The following ATRNL1 variants were observed in gnomAD, a reference collection of about 807,000 sequenced individuals.
ATRNL1 encodes attractin-like protein 1.
In ATRNL1, 95 loss-of-function variants were observed where a neutral mutation model predicts 182.7. The observed-to-expected ratio is 0.52, with a 90% CI of 0.44 to 0.62. The LOEUF (loss-of-function observed/expected upper bound fraction) is 0.62, where lower values mean the gene tolerates loss of function less well. ATRNL1 is among the 20% of genes least tolerant of loss of function. The pLI, the probability that ATRNL1 is intolerant of heterozygous loss-of-function variation, is 0.00. For missense variants in ATRNL1, 1,471 were observed against 1,679.5 expected (o/e 0.88, Z 2.17); for synonymous variants, 576 against 568.3 (o/e 1.01, Z -0.19).
intron 26 of ATRNL1, among the ~76,000 whole-genome samples, chr10:115,630,841 C>T (rs1222364362): frequency 2.3e-5 from 3 of 132,652 alleles, no homozygotes; most frequent in African/African-American, 1.1e-4. Context: ...CACACACACA[C>T]ACACACACAC....
At chr10:115,864,433 A>T (rs1393585419) in intron 28 of ATRNL1, among the ~76,000 whole-genome samples, 1 of 152,220 alleles carries the variant, frequency 6.6e-6, no homozygotes, top group East Asian at 1.9e-4. Flanking sequence ...TCTAAAGTTA[A>T]TAGGACAAAA....
rs1851567160 is a variant in ATRNL1 at position 115,265,369 on chromosome 10, G to A, written c.1772+92G>A. 9.6e-6 allele frequency: 7 copies of A among 729,538 alleles called. No individual in the cohort carries two copies. In the South Asian group the frequency reaches 1.5e-4, roughly 16 times the overall value. The allele number at this position is 729,538 out of a possible 1,614,324, so 45.2% of individuals were successfully genotyped here. A position where few individuals can be genotyped will look rare whatever the true frequency, so the allele number is the denominator to read the frequency against. ...GTATTCTTTTTGAAAATTATCATTG[G>A]TACTTAATGGTATTGGATTTTATGC... On this transcript the variant is annotated intron_variant, in intron 11 of 28. Transcript: ENST00000355044.
chr10:115,778,518 A>G (rs558158285), intron 27 of ATRNL1, among the ~76,000 whole-genome samples: 47 of 152,310 alleles, frequency 3.1e-4, no homozygotes, highest in Admixed American at 2.6e-3. Context: ...GATATGGTGA[A>G]AGAGTAAAGA....
At chr10:115,317,110 G>A (rs1473965183) in intron 18 of ATRNL1, among the ~76,000 whole-genome samples, 2 of 152,026 alleles carry the variant, frequency 1.3e-5, no homozygotes, top group Non-Finnish European at 2.9e-5. Context: ...TAAGGAATGG[G>A]TCCAGTTTCA....
intron 28 of ATRNL1, among the ~76,000 whole-genome samples, chr10:115,868,875 G>C (rs1293727841): frequency 2.6e-5 from 3 of 114,646 alleles, no homozygotes; most frequent in African/African-American, 9.9e-5. Context: ...TGTCGCCCAG[G>C]CTGGAGTGCA....
At chr10:115,713,705 C>CTATCATCTATCTATCTATCT (rs1555055340) in intron 26 of ATRNL1, among the ~76,000 whole-genome samples, 5 of 101,298 alleles carry the variant, frequency 4.9e-5, no homozygotes, top group East Asian at 9.1e-4. Context: ...ATCTATCTAT[C>CTATCATCTATCTATCTATCT]ATCTATCTAT....
At chr10:115,934,071 G>A (rs7077116) in intron 28 of ATRNL1, among the ~76,000 whole-genome samples, 16,304 of 152,006 alleles carry the variant, frequency 0.11, 2,646 homozygotes, top group African/African-American at 0.35. Context: ...CTCATCTTCT[G>A]CCTACCATCT....
chr10:115,258,548 A>G (rs1045891980), intron 10 of ATRNL1, among the ~76,000 whole-genome samples: 46 of 152,096 alleles, frequency 3.0e-4, no homozygotes, highest in African/African-American at 1.1e-3. Context: ...CTTCCTTGCA[A>G]TGGGTTCGAA....
chr10:115,666,912 A>G (rs1861032049), intron 26 of ATRNL1, among the ~76,000 whole-genome samples: 1 of 152,176 alleles, frequency 6.6e-6, no homozygotes, highest in Non-Finnish European at 1.5e-5. Context: ...TGCCAACACT[A>G]AAGATAGTCA....
chr10:115,456,857 C>T (rs1261019675), intron 21 of ATRNL1, among the ~76,000 whole-genome samples: 1 of 152,112 alleles, frequency 6.6e-6, no homozygotes, highest in Non-Finnish European at 1.5e-5. Flanking sequence ...CATACTGTTT[C>T]AGCTTCTTCA....
chr10:115,511,918 A>G (rs1322327101), intron 24 of ATRNL1, among the ~76,000 whole-genome samples: 1 of 151,892 alleles, frequency 6.6e-6, no homozygotes, highest in Admixed American at 6.6e-5. Context: ...CAGATGGGGA[A>G]GATGAGAATA....
At chr10:115,581,744 A>C (rs1855098714) in intron 26 of ATRNL1, among the ~76,000 whole-genome samples, 2 of 109,468 alleles carry the variant, frequency 1.8e-5, no homozygotes, top group Non-Finnish European at 4.0e-5. Flanking sequence ...ATCGACACTA[A>C]ACTTTTTTTT....
rs1554874489 is a variant in ATRNL1 at position 115,129,461 on chromosome 10, A to G, written c.755A>G (p.Asn252Ser). Residue 252 changes from asparagine to serine, a missense_variant, in exon 5 of 29, where the codon AAT (asparagine) becomes AGT (serine). Coordinates refer to ENST00000355044, the MANE Select transcript of ATRNL1 (RefSeq NM_207303.4). ...EACDIPYCKA[N>S]CGSPDHGYCD... ...TGTGATATTCCTTACTGTAAAGCCA[A>G]TTGCGGCAGTCCAGATCACGGTTAC... 1 of 1,614,024 alleles carries G rather than the reference A, an allele frequency of 6.2e-7. No homozygotes were observed. The highest frequency in any genetic ancestry group is 1.7e-5 in the Admixed American group (1 of 59,988).
chr10:115,793,973 A>G (rs1246405980), intron 27 of ATRNL1, among the ~76,000 whole-genome samples: 5 of 152,192 alleles, frequency 3.3e-5, no homozygotes, highest in African/African-American at 1.2e-4. Flanking sequence ...AGCTACTTAG[A>G]AAAACAAAGC....
chr10:115,777,817 A>T (rs1007345604), intron 27 of ATRNL1, among the ~76,000 whole-genome samples: 3 of 152,200 alleles, frequency 2.0e-5, no homozygotes. Flanking sequence ...GTGAGTTAAA[A>T]ATATAAAACA....
At chr10:115,880,887 A>C (rs1555108405) in intron 28 of ATRNL1, among the ~76,000 whole-genome samples, 1 of 152,210 alleles carries the variant, frequency 6.6e-6, no homozygotes, top group African/African-American at 2.4e-5. Context: ...GCAGGTAATC[A>C]TAAGAGTTGT....
At chr10:115,102,466 T>C (rs556981617) in intron 1 of ATRNL1, among the ~76,000 whole-genome samples, 5 of 152,254 alleles carry the variant, frequency 3.3e-5, no homozygotes, top group East Asian at 3.9e-4. Context: ...ATATTTGAGA[T>C]GGAGTCTCAC....
rs116294247 is a variant in ATRNL1 at position 115,633,585 on chromosome 10, A to G, written c.3795+84049A>G. ...TCAGTAATACTCATAGTTACTTGCT[A>G]TGAGTTGTTAATTAACTTGTTGTTA... On this transcript the variant is annotated intron_variant, in intron 26 of 28. Coordinates refer to ENST00000355044, the MANE Select transcript of ATRNL1 (RefSeq NM_207303.4). 8.0e-3 allele frequency among the ~76,000 whole-genome samples: 1,215 copies of G among 152,296 alleles called. 24 individuals are homozygous for G. The highest frequency in any genetic ancestry group is 0.028 in the African/African-American group (1,166 of 41,548).
At chr10:115,493,422 C>A (rs1412052340) in intron 24 of ATRNL1, among the ~76,000 whole-genome samples, 2 of 152,148 alleles carry the variant, frequency 1.3e-5, no homozygotes, top group African/African-American at 4.8e-5. Context: ...CAGCTCCATT[C>A]ATGTTGCTAC....
Sources: allele counts gnomAD v4.1 joint callset (sites outside exome capture counted in the v4.1 genomes callset), GRCh38; gene constraint gnomAD v4.1.1; transcripts MANE v1.5; gene names NCBI Gene and HGNC (gene_info 2026-07-23, HGNC 2026-07-21).